The following RIMOC1 variants were observed in gnomAD, a reference collection of about 807,000 sequenced individuals.
The protein encoded by RIMOC1 is RAB7A-interacting MON1-CCZ1 complex subunit 1.
the RIMOC1 span, among the ~76,000 whole-genome samples, chr5:41,906,601 A>G: frequency 1.5e-4 from 23 of 152,304 alleles, 1 homozygote; most frequent in East Asian, 4.4e-3. Flanking sequence ...TGTGGATGTC[A>G]CTTCTGGGCT....
chr5:41,916,520 A>G, the RIMOC1 span: 1 of 910,070 alleles, frequency 1.1e-6, no homozygotes, highest in Non-Finnish European at 1.3e-6. Flanking sequence ...ATGATTATGC[A>G]TGATAATTTC....
At chr5:41,908,180 C>CA in the RIMOC1 span, 186 of 157,098 alleles carry the variant, frequency 1.2e-3, 1 homozygote, top group Middle Eastern at 9.0e-3. Flanking sequence ...AGGGCCCTGA[C>CA]TTTTTTTTTT....
the RIMOC1 span, among the ~76,000 whole-genome samples, chr5:41,907,529 A>G: frequency 6.6e-6 from 1 of 152,168 alleles, no homozygotes; most frequent in Admixed American, 6.5e-5. Context: ...TTTGTAGGAA[A>G]AATTTTCATG....
At chr5:41,912,172 T>A in the RIMOC1 span, 1 of 1,582,342 alleles carries the variant, frequency 6.3e-7, no homozygotes, top group African/African-American at 1.3e-5. Context: ...ACAGCTAAAT[T>A]ACTGAGTGCA....
chr5:41,916,568 G>T, the RIMOC1 span: 2 of 618,198 alleles, frequency 3.2e-6, no homozygotes, highest in East Asian at 1.4e-4. Flanking sequence ...TAGGATACTT[G>T]ACTTTAGCTA....
At chr5:41,910,315 CATCTCTGAAATGT>C in the RIMOC1 span, among the ~76,000 whole-genome samples, 1 of 152,076 alleles carries the variant, frequency 6.6e-6, no homozygotes, top group Admixed American at 6.6e-5. Flanking sequence ...TCCACTTCTT[CATCTCTGAAATGT>C]CTTCTCTTGC....
chr5:41,907,105 G>T, the RIMOC1 span, among the ~76,000 whole-genome samples: 1 of 152,124 alleles, frequency 6.6e-6, no homozygotes, highest in African/African-American at 2.4e-5. Context: ...GAGGGAGGGT[G>T]AATTGTGATT....
chr5:41,918,566 T>A, the RIMOC1 span: 2 of 985,338 alleles, frequency 2.0e-6, no homozygotes, highest in African/African-American at 3.5e-5. Context: ...CTATTTATTA[T>A]CTACCTTTTC....
chr5:41,917,523 C>T, the RIMOC1 span: 4 of 1,211,540 alleles, frequency 3.3e-6, no homozygotes, highest in Non-Finnish European at 4.1e-6. Context: ...TGTTCAAACT[C>T]ACCTTAAAAT....
At chr5:41,917,477 AC>A in the RIMOC1 span, 1 of 1,297,550 alleles carries the variant, frequency 7.7e-7, no homozygotes, top group Non-Finnish European at 9.8e-7. Context: ...ATATTAGTAA[AC>A]CTATGAAGGG....
chr5:41,916,940 ATTAGAG>A, the RIMOC1 span: 1 of 1,318,328 alleles, frequency 7.6e-7, no homozygotes, highest in Non-Finnish European at 1.0e-6. Context: ...AGGAACTTTA[ATTAGAG>A]TTTAGTTAAT....
chr5:41,918,014 T>A, the RIMOC1 span: 19 of 985,582 alleles, frequency 1.9e-5, no homozygotes, highest in Non-Finnish European at 2.3e-5. Flanking sequence ...TCATATGTTT[T>A]TGTAGCACAT....
At chr5:41,911,240 C>T in the RIMOC1 span, 1 of 1,497,280 alleles carries the variant, frequency 6.7e-7, no homozygotes, top group Non-Finnish European at 9.0e-7. Context: ...AAAAAGCTGT[C>T]TTTGTTGTAC....
the RIMOC1 span, chr5:41,907,908 C>A: frequency 2.2e-6 from 2 of 891,808 alleles, no homozygotes; most frequent in Non-Finnish European, 3.5e-6. Flanking sequence ...TGATTGACTC[C>A]AACTTTAGGT....
At chr5:41,905,923 G>A in the RIMOC1 span, among the ~76,000 whole-genome samples, 1 of 152,156 alleles carries the variant, frequency 6.6e-6, no homozygotes, top group Non-Finnish European at 1.5e-5. Context: ...CACATTATGA[G>A]CCGTTGATCA....
At chr5:41,915,719 C>T in the RIMOC1 span, among the ~76,000 whole-genome samples, 1 of 152,136 alleles carries the variant, frequency 6.6e-6, no homozygotes, top group South Asian at 2.1e-4. Flanking sequence ...TGGGGGAAAC[C>T]GCCTCCATGA....
At chr5:41,910,009 G>A in the RIMOC1 span, 1 of 817,140 alleles carries the variant, frequency 1.2e-6, no homozygotes, top group African/African-American at 1.8e-5. Flanking sequence ...ATTAAGATTG[G>A]AAGAGGGAGA....
the RIMOC1 span, chr5:41,920,885 T>C: frequency 6.6e-6 from 1 of 152,212 alleles, no homozygotes; most frequent in South Asian, 2.1e-4. Context: ...TGTTGCATTT[T>C]TTACACTTGG....
the RIMOC1 span, chr5:41,910,967 G>T: frequency 4.7e-6 from 7 of 1,498,078 alleles, no homozygotes; most frequent in Non-Finnish European, 6.3e-6. Context: ...GTTTTTAATC[G>T]ATGAGTTTTT....
Sources: allele counts gnomAD v4.1 joint callset (sites outside exome capture counted in the v4.1 genomes callset), GRCh38; gene constraint gnomAD v4.1.1; transcripts MANE v1.5; gene names NCBI Gene and HGNC (gene_info 2026-07-23, HGNC 2026-07-21).